The following DDX60 variants were observed in gnomAD, a reference collection of about 807,000 sequenced individuals.
The protein encoded by DDX60 is DExD/H-box helicase 60.
In DDX60, 165 loss-of-function variants were observed where a neutral mutation model predicts 212.8. That is an observed-to-expected ratio of 0.78 (90% CI 0.68 to 0.88). DDX60 has a LOEUF of 0.88. DDX60 is among the 40% of genes least tolerant of loss of function. The pLI, the probability that DDX60 is intolerant of heterozygous loss-of-function variation, is 0.00. For synonymous variants in DDX60, 703 were observed against 685.3 expected, an observed-to-expected ratio of 1.03 and a Z score of -0.40; for missense variants, 1,905 against 2,003.9, an observed-to-expected ratio of 0.95 and a Z score of 0.94.
intron 3 of DDX60, 98 bp from the exon 4 acceptor site, chr4:168,308,293 G>C (rs1191373384): frequency 8.6e-6 from 6 of 698,614 alleles, no homozygotes; most frequent in Non-Finnish European, 1.4e-5. Context: ...ATCATCAATA[G>C]CTAAATTTGC....
Position 168,257,397 on chromosome 4 carries a change from T to C in DDX60, c.3399-1528A>G, listed in dbSNP as rs1054819761. ...ACTCATTTAGTACTCACAACAATCCTATGAAGAAGGCACTATTAATATTAA... is the reference window on the plus strand; with the variant it reads ...ACTCATTTAGTACTCACAACAATCCCATGAAGAAGGCACTATTAATATTAA... On this transcript the variant is annotated intron_variant, in intron 25 of 37. Transcript: ENST00000393743. Among the ~76,000 whole-genome samples the C allele has an allele frequency of 7.9e-5, 12 of 152,312 alleles. 1 individual carries two copies. The East Asian group carries it at 2.1e-3, about 27-fold the overall frequency.
intron 18 of DDX60, 113 bp from the exon 19 acceptor site, chr4:168,272,251 T>C (rs1735134644): frequency 8.8e-6 from 7 of 794,780 alleles, no homozygotes; most frequent in Non-Finnish European, 1.4e-5. Context: ...TGCTGATAAT[T>C]GGCATATAAC....
chr4:168,248,073 T>C, intron 29 of DDX60, 115 bp downstream of exon 29: 1 of 601,318 alleles, frequency 1.7e-6, no homozygotes, highest in Non-Finnish European at 2.7e-6. Flanking sequence ...AGGATGAATG[T>C]CCAGTTATGC....
chr4:168,275,366 A>T lies in DDX60; in HGVS notation c.2283T>A (p.Asp761Glu). The change falls in exon 16 of 38, where the codon GAT becomes GAA. Residue 761 changes from aspartate to glutamate, a missense_variant. Coordinates refer to ENST00000393743, the MANE Select transcript of DDX60 (RefSeq NM_017631.6). ...TTACCTGCCATGTGTCGGGAATAAA[A>T]TCCTGGACCCTGGGATCTGGGTCTT... Reference protein sequence around the residue: ...ERKDPDPRVQDFIPDTWQREL... With the variant: ...ERKDPDPRVQEFIPDTWQREL... The T allele has an allele frequency of 6.2e-7, 1 of 1,611,092 alleles. No homozygotes were observed. Among genetic ancestry groups the T allele is most frequent in the Non-Finnish European group, 8.5e-7 (1 of 1,178,782 alleles).
rs78433880 is a variant in DDX60, at chr4:168,251,817, T to C, written c.3705+692A>G. On this transcript the variant is annotated intron_variant, in intron 27 of 37. Transcript: ENST00000393743. ...TATATGTGTACACACATACGCAAAA[T>C]GTATGTAAGTTTGTATGTGTATAGT... 3.3e-4 allele frequency among the ~76,000 whole-genome samples: 50 copies of C among 152,154 alleles called. No individual in the cohort carries two copies. The East Asian group carries it at 9.1e-3, about 28-fold the overall frequency.
At chr4:168,221,475 C>T (rs1458905854) in intron 36 of DDX60, among the ~76,000 whole-genome samples, 3 of 152,034 alleles carry the variant, frequency 2.0e-5, no homozygotes, top group East Asian at 1.9e-4. Context: ...ATATTTATAT[C>T]GTTAGAGCAC....
intron 1 of DDX60, among the ~76,000 whole-genome samples, chr4:168,317,885 G>A (rs894703778): frequency 2.0e-5 from 3 of 152,146 alleles, no homozygotes; most frequent in African/African-American, 7.2e-5. Flanking sequence ...GGTAACCTCA[G>A]TCCTTTAGCT....
intron 22 of DDX60, chr4:168,265,517 A>G (rs1734804055): frequency 6.6e-6 from 1 of 152,180 alleles, no homozygotes; most frequent in Admixed American, 6.5e-5. Context: ...AGACATCTTA[A>G]GAAGACTCAT....
rs371856785 is a variant in DDX60 at position 168,252,556 on chromosome 4, T to G, written c.3658A>C (p.Ile1220Leu). ...LVKCLEKNLE[I>L]PQDCTYADQK... Reference sequence around the variant, plus strand: ...TCAGCATATGTGCAGTCCTGTGGGATTTCCAGGTTCTTCTCTAGACACTTC... The same window carrying G: ...TCAGCATATGTGCAGTCCTGTGGGAGTTCCAGGTTCTTCTCTAGACACTTC... Residue 1220 changes from isoleucine to leucine, a missense_variant, in exon 27 of 38, where the codon ATC (isoleucine) becomes CTC (leucine). Ile to Leu is a conservative substitution (Grantham distance 5). Transcript: ENST00000393743. 3.6e-5 allele frequency: 58 copies of G among 1,613,972 alleles called. No individual in the cohort carries two copies. Among genetic ancestry groups the G allele is most frequent in the Non-Finnish European group, 4.9e-5 (58 of 1,179,988 alleles).
intron 25 of DDX60, among the ~76,000 whole-genome samples, chr4:168,258,633 T>G (rs1216458887): frequency 1.3e-5 from 2 of 152,196 alleles, no homozygotes; most frequent in African/African-American, 4.8e-5. Context: ...CAAGCTTCAA[T>G]TCTTCAAGTA....
At chr4:168,277,129 T>C (rs769804425) in intron 14 of DDX60, among the ~76,000 whole-genome samples, 3 of 152,236 alleles carry the variant, frequency 2.0e-5, no homozygotes, top group Non-Finnish European at 2.9e-5. Context: ...CACATCTTGA[T>C]GTGATCCTAT....
In DDX60 at chr4:168,250,955, C is replaced by T; in HGVS notation, c.3857G>A (p.Arg1286Lys). ...VEILFRKGYL[R>K]VVTATGTLAL... ...TTAGAATGAAGAAAATTCACCTACCCTAAGATATCCTTTTCTAAAGAGGAT... is the reference window on the plus strand; with the variant it reads ...TTAGAATGAAGAAAATTCACCTACCTTAAGATATCCTTTTCTAAAGAGGAT... The change falls in exon 28 of 38, where the codon AGG becomes AAG. Residue 1286 changes from arginine (R) to lysine (K), a missense_variant and splice_region_variant. Physicochemically the swap from Arg to Lys is conservative, Grantham distance 26. Coordinates refer to ENST00000393743, the MANE Select transcript of DDX60 (RefSeq NM_017631.6). 1.3e-6 allele frequency: 2 copies of T among 1,587,830 alleles called. No homozygotes were observed. Among genetic ancestry groups the T allele is most frequent in the Non-Finnish European group, 1.7e-6 (2 of 1,167,624 alleles).
intron 22 of DDX60, among the ~76,000 whole-genome samples, chr4:168,263,313 G>A (rs1734701861): frequency 6.6e-6 from 1 of 152,140 alleles, no homozygotes; most frequent in Non-Finnish European, 1.5e-5. Flanking sequence ...TGACAGGTCT[G>A]CTTTAAGTCT....
At chr4:168,311,119 C>G (rs1737115714) in intron 2 of DDX60, 52 bp from the exon 3 acceptor site, 2 of 1,417,366 alleles carry the variant, frequency 1.4e-6, no homozygotes, top group Non-Finnish European at 9.8e-7. Context: ...TCAATTGGTC[C>G]TTTTTACAGG....
In DDX60 at chr4:168,306,314, T is replaced by G. The variant is rs1736871755; in HGVS notation, c.606+65A>C. 4.0e-6 allele frequency: 5 copies of G among 1,248,372 alleles called. No homozygotes were observed. In the African/African-American group the frequency reaches 4.6e-5, roughly 11 times the overall value. 77.3% of individuals were successfully genotyped at this position (1,248,372 alleles called of 1,614,324 possible). ...TTCCTAGAGGAGGAGGAGAAAAAAC[T>G]GAGTCAAGTAACTTAGAACATTTTG... On this transcript the variant is annotated intron_variant, in intron 5 of 37. Coordinates refer to ENST00000393743, the MANE Select transcript of DDX60 (RefSeq NM_017631.6).
intron 27 of DDX60, 30 bp from the exon 28 acceptor site, chr4:168,251,136 G>C: frequency 3.2e-6 from 5 of 1,569,698 alleles, no homozygotes; most frequent in South Asian, 1.2e-5. Flanking sequence ...TAGGGATTAT[G>C]ATTTAATTTT....
At chr4:168,292,559 G>A (rs1462786328) in intron 7 of DDX60, among the ~76,000 whole-genome samples, 7 of 152,138 alleles carry the variant, frequency 4.6e-5, no homozygotes, top group Non-Finnish European at 8.8e-5. Flanking sequence ...AGGACTCTAC[G>A]CTGATGGAGC....
intron 1 of DDX60, among the ~76,000 whole-genome samples, chr4:168,314,895 AAAT>A (rs1348099830): frequency 6.6e-6 from 1 of 152,218 alleles, no homozygotes; most frequent in African/African-American, 2.4e-5. Context: ...TACTGAGTAG[AAAT>A]AATGACAAAA....
At position 168,225,634 on chromosome 4, in the gene DDX60, C is replaced by G. The variant is rs1217402064; in HGVS notation, c.4576G>C (p.Asp1526His). Residue 1526 changes from aspartate (D) to histidine (H), a missense_variant, in exon 34 of 38, where the codon GAT becomes CAT. By Grantham distance (81) the Asp-to-His change is moderately conservative. Coordinates refer to ENST00000393743, the MANE Select transcript of DDX60 (RefSeq NM_017631.6). ...TCCATAATTTTCATGTTATATTCAT[C>G]TAAAGCATCACTAAAATCCTCAGGG... ...DLPEDFSDAL[D>H]EYNMKIMEDF... 6.2e-7 allele frequency: 1 copy of G among 1,611,694 alleles called. No individual in the cohort carries two copies. Among genetic ancestry groups the G allele is most frequent in the Admixed American group, 1.7e-5 (1 of 59,730 alleles).
Sources: gnomAD v4.1 joint callset for allele counts (sites outside exome capture counted in the v4.1 genomes callset) on GRCh38, gnomAD v4.1.1 for gene constraint, MANE v1.5 for transcripts, NCBI Gene and HGNC (gene_info 2026-07-23, HGNC 2026-07-21) for gene names.